RPL35A: variants seen among roughly 807,000 people sequenced by gnomAD.
RPL35A encodes the protein ribosomal protein L35a, also known as large ribosomal subunit protein eL33.
Under a neutral mutation model 16.7 loss-of-function variants are expected in RPL35A, and 1 was observed. The observed-to-expected ratio is 0.06, with a 90% CI of 0.02 to 0.28. The LOEUF (loss-of-function observed/expected upper bound fraction) is 0.28. RPL35A is among the 10% of genes least tolerant of loss of function. RPL35A has a pLI of 1.00. For missense variants in RPL35A, 91 were observed against 138.7 expected (o/e 0.66, Z 1.73); for synonymous variants, 58 against 47.0 (o/e 1.23, Z -0.96).
rs1363354495 is a variant in RPL35A at position 197,956,041 on chromosome 3, C to T, written c.*268C>T. ...TGGAGTGTAGTGGTGCTCGCTGCAG[C>T]CTCACATTCAAAGGCTCAAGCAATC... On this transcript the variant is annotated 3_prime_UTR_variant, in exon 5 of 5. Transcript: ENST00000647248. 2.0e-5 allele frequency: 9 copies of T among 446,758 alleles called. No individual in the cohort carries two copies. The highest frequency in any genetic ancestry group is 1.5e-4 in the South Asian group (7 of 45,172). 27.7% of individuals were successfully genotyped at this position (446,758 alleles called of 1,614,324 possible). A position where few individuals can be genotyped will look rare whatever the true frequency, so the allele number is the denominator to read the frequency against.
chr3:197,952,050 A>G (rs1720139616), intron 3 of RPL35A, among the ~76,000 whole-genome samples: 1 of 149,594 alleles, frequency 6.7e-6, no homozygotes, highest in African/African-American at 2.5e-5. Context: ...AATTCCTTAT[A>G]TTGTGATCCT....
chr3:197,952,361 G>C (rs957033700), intron 3 of RPL35A, among the ~76,000 whole-genome samples: 1 of 151,488 alleles, frequency 6.6e-6, no homozygotes, highest in African/African-American at 2.4e-5. Context: ...GTAGAGATGG[G>C]GTTTCACCAT....
chr3:197,951,188 A>T lies in RPL35A; in HGVS notation c.41A>T (p.Tyr14Phe), dbSNP rs1366033915. The T allele has an allele frequency of 1.2e-6, 2 of 1,614,194 alleles. No individual in the cohort carries two copies. The highest frequency in any genetic ancestry group is 1.7e-6 in the Non-Finnish European group (2 of 1,180,040). Residue 14 changes from tyrosine (Y) to phenylalanine (F), a missense_variant, in exon 3 of 5, where the codon TAT (tyrosine) becomes TTT (phenylalanine). Physicochemically the swap from Tyr to Phe is conservative, Grantham distance 22. Transcript: ENST00000647248. ...RLWSKAIFAG[Y>F]KRGLRNQREH... ...TGGTCCAAGGCCATTTTTGCTGGCT[A>T]TAAGCGGGGTCTCCGGAACCAAAGG...
chr3:197,950,900 G>A, intron 1 of RPL35A, 36 bp from the exon 2 acceptor site: 2 of 1,609,606 alleles, frequency 1.2e-6, no homozygotes, highest in Non-Finnish European at 1.7e-6. Flanking sequence ...AACTTGTGTG[G>A]CTTGGTTTTA....
At chr3:197,954,771 G>C (rs778795928) in intron 4 of RPL35A, among the ~76,000 whole-genome samples, 17 of 152,162 alleles carry the variant, frequency 1.1e-4, no homozygotes, top group Non-Finnish European at 2.5e-4. Context: ...GCCTCCCAGA[G>C]TGCTGGGATT....
At chr3:197,951,446 G>C in intron 3 of RPL35A, 135 bp downstream of exon 3, 4 of 949,224 alleles carry the variant, frequency 4.2e-6, no homozygotes, top group Non-Finnish European at 6.7e-6. Flanking sequence ...TCCGCCTCCC[G>C]GGTTCAAGCA....
Position 197,951,139 on chromosome 3 carries a change from G to T in RPL35A, c.12-20G>T, listed in dbSNP as rs774019238. 2.5e-6 allele frequency: 4 copies of T among 1,613,982 alleles called. No homozygotes were observed. The South Asian group carries it at 4.4e-5, about 18-fold the overall frequency. On this transcript the variant is annotated intron_variant, in intron 2 of 4. Transcript: ENST00000647248. Reference sequence around the variant, plus strand: ...TTTTTTGAAGCTTATGTTTCATGTTGTGTATCTTTTGTGTCTTAGGCTGTG... The same window carrying T: ...TTTTTTGAAGCTTATGTTTCATGTTTTGTATCTTTTGTGTCTTAGGCTGTG...
chr3:197,953,441 T>C (rs1374775455), intron 3 of RPL35A: 1 of 456,622 alleles, frequency 2.2e-6, no homozygotes, highest in Non-Finnish European at 4.4e-6. Flanking sequence ...TTTCTCTCAT[T>C]CAGTAAAAGC....
At chr3:197,950,567 C>T (rs1006764058) in intron 1 of RPL35A, 9 of 333,010 alleles carry the variant, frequency 2.7e-5, no homozygotes, top group African/African-American at 1.1e-4. Context: ...CTTTCCTCAG[C>T]TTTTCTCCCC....
At position 197,954,112 on chromosome 3, in the gene RPL35A, C is replaced by G; in HGVS notation, c.274C>G (p.Leu92Val). Residue 92 changes from leucine (L) to valine (V), a missense_variant, in exon 4 of 5, where the codon CTT becomes GTT. Coordinates refer to ENST00000647248, the MANE Select transcript of RPL35A (RefSeq NM_000996.4). ...GGTTCGTGCCAAATTCCGAAGCAAT[C>G]TTCCTGCTAAGGCCATTGGACACAG... ...GMVRAKFRSN[L>V]PAKAIGHRIR... 2 of 1,614,204 alleles carry G rather than the reference C, an allele frequency of 1.2e-6. No homozygotes were observed. Among genetic ancestry groups the G allele is most frequent in the Non-Finnish European group, 1.7e-6 (2 of 1,180,040 alleles).
intron 2 of RPL35A, 31 bp from the exon 3 acceptor site, chr3:197,951,128 T>G: frequency 6.2e-7 from 1 of 1,613,940 alleles, no homozygotes; most frequent in Non-Finnish European, 8.5e-7. Flanking sequence ...TTGAAGCTTA[T>G]GTTTCATGTT....
At chr3:197,950,520 C>T (rs903917127) in intron 1 of RPL35A, 4 of 306,026 alleles carry the variant, frequency 1.3e-5, no homozygotes, top group Non-Finnish European at 2.3e-5. Flanking sequence ...TCCGTTTCCT[C>T]CCAGTCCATA....
Position 197,954,121 on chromosome 3 carries a change from A to G in RPL35A, c.283A>G (p.Lys95Glu). 5 of 1,614,064 alleles carry G rather than the reference A, an allele frequency of 3.1e-6. No homozygotes were observed. The highest frequency in any genetic ancestry group is 1.3e-5 in the African/African-American group (1 of 75,040). Reference protein sequence around the residue: ...RAKFRSNLPAKAIGHRIRVML... With the variant: ...RAKFRSNLPAEAIGHRIRVML... ...CAAATTCCGAAGCAATCTTCCTGCT[A>G]AGGCCATTGGACACAGAATCCGAGT... Residue 95 changes from lysine to glutamate, a missense_variant, in exon 4 of 5, where the codon AAG becomes GAG. Physicochemically the swap from Lys to Glu is moderately conservative, Grantham distance 56. Transcript: ENST00000647248.
intron 3 of RPL35A, chr3:197,953,418 C>G: frequency 4.4e-6 from 2 of 456,688 alleles, no homozygotes; most frequent in Non-Finnish European, 8.8e-6. Context: ...GTACATTGCT[C>G]GAACCACAGT....
chr3:197,955,086 T>C (rs1560124147), intron 4 of RPL35A, among the ~76,000 whole-genome samples: 1 of 152,096 alleles, frequency 6.6e-6, no homozygotes, highest in Non-Finnish European at 1.5e-5. Context: ...TTCTTTAGGG[T>C]CCATTTTGGA....
intron 3 of RPL35A, among the ~76,000 whole-genome samples, chr3:197,952,159 T>C (rs1560121274): frequency 1.4e-5 from 2 of 144,200 alleles, no homozygotes; most frequent in African/African-American, 5.2e-5. Context: ...CTTAAAATTA[T>C]GGGTTTTTTT....
rs1317793632 is a variant in RPL35A, at chr3:197,950,953, C to T, written c.-15C>T. 7 of 1,613,952 alleles carry T rather than the reference C, an allele frequency of 4.3e-6. No individual in the cohort carries two copies. The highest frequency in any genetic ancestry group is 3.3e-4 in the Middle Eastern group (2 of 6,082). ...GTTTTAAGGCCTGCTGGGAACGGGA[C>T]TTCTAAAAGGAACTATGTCTGGAAG... On this transcript the variant is annotated 5_prime_UTR_variant, in exon 2 of 5. Coordinates refer to ENST00000647248, the MANE Select transcript of RPL35A (RefSeq NM_000996.4).
intron 3 of RPL35A, among the ~76,000 whole-genome samples, chr3:197,952,175 T>TG (rs1195381758): frequency 7.2e-6 from 1 of 139,026 alleles, no homozygotes; most frequent in Non-Finnish European, 1.6e-5. Context: ...TTTTTTTTTT[T>TG]TTTTTTTTTT....
intron 4 of RPL35A, 146 bp from the exon 5 acceptor site, chr3:197,955,604 C>T (rs1220415213): frequency 4.0e-6 from 3 of 740,824 alleles, no homozygotes; most frequent in Middle Eastern, 3.4e-4. Flanking sequence ...GGTATGTTCA[C>T]GTAGAGACTG....
Sources: allele counts gnomAD v4.1 joint callset (sites outside exome capture counted in the v4.1 genomes callset), GRCh38; gene constraint gnomAD v4.1.1; transcripts MANE v1.5; gene names NCBI Gene and HGNC (gene_info 2026-07-23, HGNC 2026-07-21).